SEMA3D: variants seen among roughly 807,000 people sequenced by gnomAD.
The protein encoded by SEMA3D is semaphorin 3D.
SEMA3D carries 84 observed loss-of-function variants against 100.1 expected under a neutral mutation model. That is an observed-to-expected ratio of 0.84 (90% CI 0.70 to 1.01). The LOEUF is 1.01. SEMA3D is among the 50% of genes least tolerant of loss of function. The pLI is 0.00. For synonymous variants in SEMA3D, 312 were observed against 320.7 expected (o/e 0.97, Z 0.29); for missense variants, 875 against 934.1 (o/e 0.94, Z 0.82).
intron 2 of SEMA3D, among the ~76,000 whole-genome samples, chr7:85,126,404 CGTGT>C (rs374819280): frequency 0.01 from 1,384 of 134,066 alleles, 31 homozygotes; most frequent in Admixed American, 0.014. Context: ...GTGTGTGTGT[CGTGT>C]GTGTGTGTGT....
intron 12 of SEMA3D, chr7:85,029,270 A>T (rs1790478246): frequency 1.2e-6 from 1 of 840,620 alleles, no homozygotes; most frequent in East Asian, 2.4e-5. Flanking sequence ...ACTCTCACTG[A>T]TGACAAGGGC....
chr7:84,996,375 C>G lies in SEMA3D; in HGVS notation c.*3065G>C, dbSNP rs1048967372. On this transcript the variant is annotated 3_prime_UTR_variant, in exon 19 of 19. Transcript: ENST00000284136. ...TTTGTAGCCAGCATATTGTAAAGAG[C>G]ATTATTTTAGCCAACAGAATGATGA... The G allele has an allele frequency of 6.6e-6, 1 of 151,920 alleles. No homozygotes were observed. Among genetic ancestry groups the G allele is most frequent in the African/African-American group, 2.4e-5 (1 of 41,424 alleles). 9.4% of individuals were successfully genotyped at this position (151,920 alleles called of 1,614,324 possible).
At chr7:85,187,875 G>C (rs1023445334), upstream of SEMA3D, among the ~76,000 whole-genome samples, 3 of 152,292 alleles carry the variant, frequency 2.0e-5, no homozygotes, top group African/African-American at 7.2e-5. Context: ...GGTGAGCCCT[G>C]TACGTTAGGC....
chr7:85,126,410 T>TGTGTGTC (rs1562828175), intron 2 of SEMA3D, among the ~76,000 whole-genome samples: 2 of 132,772 alleles, frequency 1.5e-5, no homozygotes, highest in East Asian at 2.3e-4. Context: ...GTGTCGTGTG[T>TGTGTGTC]GTGTGTGTGT....
At chr7:85,141,697 A>G in intron 2 of SEMA3D, 1 of 959,584 alleles carries the variant, frequency 1.0e-6, no homozygotes, top group African/African-American at 1.8e-5. Context: ...AGTTTACCTA[A>G]ATTAATGTTT....
the SEMA3D span, among the ~76,000 whole-genome samples, chr7:85,212,735 T>C: frequency 6.6e-6 from 1 of 152,108 alleles, no homozygotes; most frequent in African/African-American, 2.4e-5. Context: ...AAGATTTTCT[T>C]TTAAAATCTA....
At chr7:85,219,297 G>C in the SEMA3D span, among the ~76,000 whole-genome samples, 1 of 152,030 alleles carries the variant, frequency 6.6e-6, no homozygotes, top group Non-Finnish European at 1.5e-5. Flanking sequence ...AGGTACCTAT[G>C]ACTAAAATAT....
At chr7:85,125,844 T>A (rs1789553220) in intron 2 of SEMA3D, among the ~76,000 whole-genome samples, 1 of 151,572 alleles carries the variant, frequency 6.6e-6, no homozygotes, top group East Asian at 2.0e-4. Flanking sequence ...CTGGGATGAA[T>A]TATGGAGAGA....
At chr7:85,249,178 A>G in the SEMA3D span, among the ~76,000 whole-genome samples, 1 of 152,148 alleles carries the variant, frequency 6.6e-6, no homozygotes. Context: ...ACAAACAAAC[A>G]AAAAACCTAT....
chr7:85,173,199 A>G (rs1014522247), intron 1 of SEMA3D, among the ~76,000 whole-genome samples: 6 of 152,118 alleles, frequency 3.9e-5, no homozygotes, highest in African/African-American at 1.4e-4. Context: ...TTGAGGGTAG[A>G]TAAATGGAGT....
chr7:85,133,361 G>A (rs1414577074), intron 2 of SEMA3D, among the ~76,000 whole-genome samples: 1 of 151,926 alleles, frequency 6.6e-6, no homozygotes, highest in Non-Finnish European at 1.5e-5. Context: ...TTCCTGGGTT[G>A]AGCATACATA....
At chr7:85,142,674 A>AT (rs58949011) in intron 2 of SEMA3D, 14,757 of 904,082 alleles carry the variant, frequency 0.016, 7 homozygotes, top group South Asian at 0.027. Flanking sequence ...GAAGGATGGC[A>AT]TTTTTTTTTT....
chr7:85,000,477 T>C (rs1183327824), intron 18 of SEMA3D, among the ~76,000 whole-genome samples: 1 of 152,164 alleles, frequency 6.6e-6, no homozygotes, highest in Admixed American at 6.5e-5. Context: ...GTATAGTCTT[T>C]TGGACGTTAG....
rs1385422067 is a variant in SEMA3D at position 85,022,545 on chromosome 7, G to A, written c.1260C>T (p.Phe420=). The change falls in exon 13 of 19, where the codon TTC becomes TTT. Residue 420 remains phenylalanine, a synonymous_variant. Coordinates refer to ENST00000284136, the MANE Select transcript of SEMA3D (RefSeq NM_001384900.1). ...TATACATCACAGAGTGCCGCTTTAT[G>A]AAACTGATGACATCATCTGGAAAAT... ...TRDFPDDVIS[F]IKRHSVMYKS... is the part of the protein sequence containing the mutation. The A allele has an allele frequency of 6.2e-7, 1 of 1,612,522 alleles. No individual in the cohort carries two copies. Among genetic ancestry groups the A allele is most frequent in the East Asian group, 2.2e-5 (1 of 44,804 alleles).
intron 1 of SEMA3D, among the ~76,000 whole-genome samples, chr7:85,154,373 A>G (rs1346520749): frequency 6.6e-6 from 1 of 152,130 alleles, no homozygotes. Context: ...AAGATGGAAC[A>G]AACATGGATG....
chr7:85,140,951 A>G lies in SEMA3D; in HGVS notation c.-41+12657T>C, dbSNP rs573449505. The stretch of plus-strand genomic sequence containing the variant: ...GTTAAAATCTTCTTTATTTTTCCCT[A>G]TTTTCTATGCATATACATAAATGTA... On this transcript the variant is annotated intron_variant, in intron 2 of 18. Transcript: ENST00000284136. The G allele has an allele frequency of 1.7e-5, 10 of 590,352 alleles. No individual in the cohort carries two copies. In the Admixed American group the frequency reaches 5.1e-4, roughly 30 times the overall value. The allele number at this position is 590,352 out of a possible 1,614,324, so 36.6% of individuals were successfully genotyped here. A position where few individuals can be genotyped will look rare whatever the true frequency, so the allele number is the denominator to read the frequency against.
At chr7:85,078,507 T>G (rs1787954460) in intron 5 of SEMA3D, among the ~76,000 whole-genome samples, 1 of 152,190 alleles carries the variant, frequency 6.6e-6, no homozygotes, top group Non-Finnish European at 1.5e-5. Context: ...TTCTTTTGCT[T>G]GGAGTAAGCT....
At chr7:85,249,055 G>A in the SEMA3D span, among the ~76,000 whole-genome samples, 1 of 152,156 alleles carries the variant, frequency 6.6e-6, no homozygotes, top group Admixed American at 6.5e-5. Context: ...TGTTGACAAT[G>A]GGAGAGGTTA....
chr7:85,073,179 A>G (rs932495406), intron 5 of SEMA3D, 98 bp from the exon 6 acceptor site: 2 of 1,067,088 alleles, frequency 1.9e-6, no homozygotes, highest in Non-Finnish European at 2.8e-6. Flanking sequence ...AATCTTCAAA[A>G]ATAAGAGCAC....
Sources: gnomAD v4.1 joint callset for allele counts (sites outside exome capture counted in the v4.1 genomes callset) on GRCh38, gnomAD v4.1.1 for gene constraint, MANE v1.5 for transcripts, NCBI Gene and HGNC (gene_info 2026-07-23, HGNC 2026-07-21) for gene names.